PDZD2: variants seen among roughly 807,000 people sequenced by gnomAD.
PDZD2 encodes PDZ domain containing 2.
In PDZD2, 90 loss-of-function variants were observed where a neutral mutation model predicts 220.7. The observed-to-expected ratio is 0.41, with a 90% CI of 0.34 to 0.49. The LOEUF is 0.49. Among genes scored for constraint, PDZD2 ranks in the 20% least tolerant of loss-of-function variants. PDZD2 has a pLI of 0.28. For missense variants in PDZD2, 3,174 were observed against 3,608.5 expected (o/e 0.88, Z 3.08); for synonymous variants, 1,375 against 1,450.5 (o/e 0.95, Z 1.18).
chr5:31,940,035 A>C (rs1746080931), intron 2 of PDZD2, among the ~76,000 whole-genome samples: 1 of 152,200 alleles, frequency 6.6e-6, no homozygotes, highest in African/African-American at 2.4e-5. Context: ...TTGTGTTTAC[A>C]TACAAGCTGT....
At position 31,668,529 on chromosome 5, in the gene PDZD2, T is replaced by G. The variant is rs1218266130; in HGVS notation, c.-361+29092T>G. ...ATAAATCCTTTGAAATCTTTTGCCT[T>G]GTGTTTTTCATGACATATTTGCATG... On this transcript the variant is annotated intron_variant, in intron 1 of 24. Transcript: ENST00000438447. Among the ~76,000 whole-genome samples the G allele has an allele frequency of 2.6e-5, 4 of 152,234 alleles. No individual in the cohort carries two copies. In the South Asian group the frequency reaches 8.3e-4, roughly 32 times the overall value.
chr5:31,854,456 G>A (rs1758248463), intron 2 of PDZD2, among the ~76,000 whole-genome samples: 1 of 152,196 alleles, frequency 6.6e-6, no homozygotes, highest in Non-Finnish European at 1.5e-5. Context: ...GCTCTGACCG[G>A]GGATTTCTGG....
chr5:31,996,531 C>T (rs1007004822), intron 4 of PDZD2, among the ~76,000 whole-genome samples: 2 of 152,130 alleles, frequency 1.3e-5, no homozygotes, highest in African/African-American at 4.8e-5. Flanking sequence ...ACAGGTGAAA[C>T]CCCATCTCCA....
intron 2 of PDZD2, among the ~76,000 whole-genome samples, chr5:31,890,433 C>A (rs1008736141): frequency 6.6e-6 from 1 of 152,072 alleles, no homozygotes; most frequent in African/African-American, 2.4e-5. Context: ...AGCCTGCTCA[C>A]AAGGGACAGA....
At position 32,058,097 on chromosome 5, in the gene PDZD2, A is replaced by C. The variant is rs144760557; in HGVS notation, c.2194A>C (p.Asn732His). The change falls in exon 12 of 25, where the codon AAC becomes CAC. Residue 732 changes from asparagine (N) to histidine (H), a missense_variant. Asn to His is a moderately conservative substitution (Grantham distance 68). Coordinates refer to ENST00000438447, the MANE Select transcript of PDZD2 (RefSeq NM_178140.4). ...KDRIVMEVTL[N>H]KEPRVGLGIG... ...CAGGATCGTCATGGAAGTAACACTC[A>C]ACAAAGGTGATAGCAGCTATTCCTT... 720 of 1,504,512 alleles carry C rather than the reference A, an allele frequency of 4.8e-4. 1 individual carries two copies. In the Middle Eastern group the frequency reaches 0.012, roughly 25 times the overall value. 93.2% of individuals were successfully genotyped at this position (1,504,512 alleles called of 1,614,324 possible).
Position 31,994,132 on chromosome 5 carries a change from C to T in PDZD2, c.979-1444C>T, listed in dbSNP as rs571107008. Among the ~76,000 whole-genome samples the T allele has an allele frequency of 2.0e-5, 3 of 152,036 alleles. No individual in the cohort carries two copies. In the South Asian group the frequency reaches 6.2e-4, roughly 32 times the overall value. On this transcript the variant is annotated intron_variant, in intron 3 of 24. Transcript: ENST00000438447. ...TTCTGGGTTCAAGCGATTCTCCTGC[C>T]TCAGCCTCCTGAGTATCTGGGATTA...
rs191248490 is a variant in PDZD2 at position 32,009,846 on chromosome 5, T to C, written c.1255-484T>C. ...GTGGCTCACGCCTGTAATCCCAGCATTTTGGGAGGCTGAGGCAGGTAGATC... is the reference window on the plus strand; with the variant it reads ...GTGGCTCACGCCTGTAATCCCAGCACTTTGGGAGGCTGAGGCAGGTAGATC... On this transcript the variant is annotated intron_variant, in intron 5 of 24. Transcript: ENST00000438447. Among the ~76,000 whole-genome samples the C allele has an allele frequency of 4.6e-3, 695 of 151,616 alleles. 7 individuals are homozygous for C. Among genetic ancestry groups the C allele is most frequent in the East Asian group, 0.019 (99 of 5,126 alleles).
intron 1 of PDZD2, among the ~76,000 whole-genome samples, chr5:31,782,174 GGTGGGGTAGA>G (rs1466190672): frequency 6.6e-6 from 1 of 152,060 alleles, no homozygotes; most frequent in Non-Finnish European, 1.5e-5. Flanking sequence ...TTCATTTTGG[GGTGGGGTAGA>G]GTAGGGTTGC....
chr5:31,663,036 C>G (rs893881596), intron 1 of PDZD2, among the ~76,000 whole-genome samples: 1 of 152,212 alleles, frequency 6.6e-6, no homozygotes, highest in Admixed American at 6.5e-5. Context: ...CCACCTCTCA[C>G]ATGAAAACAA....
chr5:32,002,449 C>T (rs1477183004), intron 5 of PDZD2, among the ~76,000 whole-genome samples: 1 of 151,996 alleles, frequency 6.6e-6, no homozygotes, highest in Non-Finnish European at 1.5e-5. Context: ...GAACAAACCC[C>T]GGGATTCTCT....
At chr5:31,908,637 C>T (rs1339616426) in intron 2 of PDZD2, 6 of 654,784 alleles carry the variant, frequency 9.2e-6, no homozygotes, top group African/African-American at 4.9e-5. Context: ...TCAAAGGTTA[C>T]GTGATATCAA....
chr5:31,968,800 C>A (rs1561218191), intron 2 of PDZD2, among the ~76,000 whole-genome samples: 1 of 152,184 alleles, frequency 6.6e-6, no homozygotes, highest in Non-Finnish European at 1.5e-5. Context: ...GCACCTTGAT[C>A]TTGAACTTTC....
intron 2 of PDZD2, among the ~76,000 whole-genome samples, chr5:31,957,495 C>G (rs568488037): frequency 6.6e-6 from 1 of 152,266 alleles, no homozygotes; most frequent in Non-Finnish European, 1.5e-5. Flanking sequence ...TAAACATTTT[C>G]CCTCTGAAAT....
intron 16 of PDZD2, 75 bp from the exon 17 acceptor site, chr5:32,072,086 G>C: frequency 1.9e-6 from 2 of 1,030,640 alleles, no homozygotes; most frequent in East Asian, 4.8e-5. Context: ...TTCTTGGAAA[G>C]ATAGGACGTA....
intron 2 of PDZD2, among the ~76,000 whole-genome samples, chr5:31,972,403 A>G (rs952823402): frequency 6.6e-6 from 1 of 151,766 alleles, no homozygotes; most frequent in Non-Finnish European, 1.5e-5. Context: ...TGTGAGCCAC[A>G]GCACCCAGCC....
Position 32,083,494 on chromosome 5 carries a change from CCCATGA to C in PDZD2, c.3683-3636_3683-3631del, listed in dbSNP as rs1742165092. On this transcript the variant is annotated intron_variant, in intron 19 of 24. Transcript: ENST00000438447. The surrounding 1 kb of genome is among the most constrained non-coding windows in gnomAD (Gnocchi z 4.1). Reference sequence around the variant, plus strand: ...TGTGCTGTAACGAGTCAACCTTCCTCCCATGATTGGGCATTTCGAACGTTTCCAGAG... The same window carrying C: ...TGTGCTGTAACGAGTCAACCTTCCTCTTGGGCATTTCGAACGTTTCCAGAG... 1.3e-5 allele frequency: 2 copies of C among 152,184 alleles called. No individual in the cohort carries two copies. The highest frequency in any genetic ancestry group is 4.1e-4 in the South Asian group (2 of 4,826). 9.4% of individuals were successfully genotyped at this position (152,184 alleles called of 1,614,324 possible).
chr5:31,931,848 G>C (rs1176452234), intron 2 of PDZD2, among the ~76,000 whole-genome samples: 1 of 152,078 alleles, frequency 6.6e-6, no homozygotes, highest in African/African-American at 2.4e-5. Flanking sequence ...TGAGTTGAGG[G>C]TGTGTGAACT....
intron 1 of PDZD2, among the ~76,000 whole-genome samples, chr5:31,757,606 G>T (rs1003398782): frequency 6.6e-5 from 10 of 151,080 alleles, no homozygotes; most frequent in South Asian, 2.1e-4. Context: ...AAAAAAAAAA[G>T]AATATGTGAA....
intron 2 of PDZD2, among the ~76,000 whole-genome samples, chr5:31,957,696 C>G (rs984347075): frequency 6.6e-6 from 1 of 152,040 alleles, no homozygotes; most frequent in African/African-American, 2.4e-5. Flanking sequence ...GTAAGAGAAC[C>G]ATTGGTTAGG....
Sources: allele counts gnomAD v4.1 joint callset (sites outside exome capture counted in the v4.1 genomes callset), GRCh38; gene constraint gnomAD v4.1.1; non-coding constraint Gnocchi (gnomAD v3.1); transcripts MANE v1.5; gene names NCBI Gene and HGNC (gene_info 2026-07-23, HGNC 2026-07-21).